TSPAN16: variants seen among roughly 807,000 people sequenced by gnomAD.
The protein encoded by TSPAN16 is tetraspanin-16.
Under a neutral mutation model 25.2 loss-of-function variants are expected in TSPAN16, and 23 were observed. The observed-to-expected ratio is 0.91, with a 90% CI of 0.66 to 1.29. TSPAN16 has a LOEUF of 1.29. Ranked by LOEUF, TSPAN16 falls within the 50% of genes most tolerant of loss-of-function variation. The pLI, the probability that TSPAN16 is intolerant of heterozygous loss-of-function variation, is 0.00. For missense variants in TSPAN16, 272 were observed against 299.9 expected (o/e 0.91, Z 0.69); for synonymous variants, 123 against 124.4 (o/e 0.99, Z 0.08).
chr19:11,313,730 G>C (rs1043112438), intron 6 of TSPAN16, among the ~76,000 whole-genome samples: 8 of 152,066 alleles, frequency 5.3e-5, no homozygotes, highest in Non-Finnish European at 8.8e-5. Flanking sequence ...ATAATAACAA[G>C]TGTTGCCAAG....
chr19:11,309,388 C>CT (rs1328968403), intron 5 of TSPAN16, among the ~76,000 whole-genome samples: 11 of 152,350 alleles, frequency 7.2e-5, no homozygotes, highest in African/African-American at 2.6e-4. Flanking sequence ...CACAACCTAC[C>CT]TGTCACCTCC....
Position 11,306,687 on chromosome 19 carries a change from T to C in TSPAN16, c.534T>C (p.Ser178=), listed in dbSNP as rs755944020. Residue 178 remains serine, a synonymous_variant, in exon 5 of 7, where the codon AGT becomes AGC. Coordinates refer to ENST00000590327, the MANE Select transcript of TSPAN16 (RefSeq NM_001282509.2). ...CAACGGGCCACACCTACCCCAGGAG[T>C]TGCTGTAAATCCATCGGAAGTGTGT... ...EMTTGHTYPR[S]CCKSIGSVSC... 5.0e-6 allele frequency: 8 copies of C among 1,613,946 alleles called. No homozygotes were observed. The highest frequency in any genetic ancestry group is 4.4e-5 in the South Asian group (4 of 91,064).
intron 4 of TSPAN16, among the ~76,000 whole-genome samples, chr19:11,302,277 CT>C (rs904450697): frequency 5.3e-5 from 8 of 152,132 alleles, no homozygotes; most frequent in African/African-American, 1.9e-4. Context: ...CCCCAAGCCC[CT>C]GGCACCCACC....
At chr19:11,326,205 G>C (rs2080811689) in intron 6 of TSPAN16, among the ~76,000 whole-genome samples, 1 of 149,948 alleles carries the variant, frequency 6.7e-6, no homozygotes, top group Non-Finnish European at 1.5e-5. Context: ...CTGGGCAACA[G>C]AGCGAGATTC....
intron 5 of TSPAN16, among the ~76,000 whole-genome samples, chr19:11,309,280 A>G (rs2080664481): frequency 6.6e-6 from 1 of 152,132 alleles, no homozygotes; most frequent in African/African-American, 2.4e-5. Context: ...TGAATGGCTC[A>G]TGCAGGGAAA....
At chr19:11,320,382 A>G (rs1391153119), downstream of TSPAN16, among the ~76,000 whole-genome samples, 1 of 152,102 alleles carries the variant, frequency 6.6e-6, no homozygotes, top group African/African-American at 2.4e-5. Flanking sequence ...TCAGCCTCCC[A>G]AAGTGCTGGA....
chr19:11,325,005 A>C, intron 6 of TSPAN16: 1 of 159,312 alleles, frequency 6.3e-6, no homozygotes, highest in Non-Finnish European at 1.4e-5. Flanking sequence ...CAGCTTGGGA[A>C]TATCAGTCCT....
chr19:11,326,610 C>CT lies in TSPAN16; in HGVS notation c.688-177dup, dbSNP rs899257592. Among the ~76,000 whole-genome samples, 7 of 152,214 alleles carry CT rather than the reference C, an allele frequency of 4.6e-5. No individual in the cohort carries two copies. In the South Asian group the frequency reaches 6.2e-4, roughly 14 times the overall value. On this transcript the variant is annotated intron_variant, in intron 6 of 6. Coordinates refer to the TSPAN16 transcript ENST00000316737. ...ACCCATCAAGTCACATTTTCCATTG[C>CT]TTTTTTTAAAAGAGAAACGGTCTCT...
intron 5 of TSPAN16, among the ~76,000 whole-genome samples, chr19:11,310,160 C>A (rs184497100): frequency 5.1e-4 from 77 of 151,818 alleles, no homozygotes; most frequent in Non-Finnish European, 1.0e-3. Flanking sequence ...ACAGCAAGTT[C>A]AATGTGGCCC....
At chr19:11,303,610 A>G (rs1233080081) in intron 4 of TSPAN16, among the ~76,000 whole-genome samples, 1 of 149,770 alleles carries the variant, frequency 6.7e-6, no homozygotes, top group Non-Finnish European at 1.5e-5. Context: ...CCTGGCCTCA[A>G]GCGATCCTCC....
rs377183506 is a variant in TSPAN16 at position 11,306,648 on chromosome 19, T to C, written c.495T>C (p.Ser165=). 20 of 1,613,890 alleles carry C rather than the reference T, an allele frequency of 1.2e-5. No individual in the cohort carries two copies. Among genetic ancestry groups the C allele is most frequent in the Admixed American group, 1.7e-5 (1 of 59,966 alleles). ...GVNNYTDFSG[S]SFEMTTGHTY... is the part of the protein sequence containing the mutation. ...ATAACTACACAGATTTTTCTGGCTC[T>C]TCCTTCGAAATGACAACGGGCCACA... Residue 165 remains serine (S), a synonymous_variant, in exon 5 of 7, where the codon TCT becomes TCC. Coordinates refer to ENST00000590327, the MANE Select transcript of TSPAN16 (RefSeq NM_001282509.2).
chr19:11,306,987 G>A (rs2080635594), intron 5 of TSPAN16, among the ~76,000 whole-genome samples: 1 of 150,914 alleles, frequency 6.6e-6, no homozygotes, highest in African/African-American at 2.4e-5. Flanking sequence ...GGCTAATTTT[G>A]TATTTTTAGT....
intron 1 of TSPAN16, among the ~76,000 whole-genome samples, chr19:11,297,493 T>TTATTTTATTTTATTTTATA (rs2080491483): frequency 6.6e-6 from 1 of 151,110 alleles, no homozygotes; most frequent in African/African-American, 2.4e-5. Context: ...TTATTTTATT[T>TTATTTTATTTTATTTTATA]TATTTTATTT....
chr19:11,299,267 G>A (rs139243637), intron 3 of TSPAN16, among the ~76,000 whole-genome samples: 2,168 of 150,850 alleles, frequency 0.014, 39 homozygotes, highest in African/African-American at 0.048. Context: ...GCAACAGAAT[G>A]AGACTCCGTT....
chr19:11,303,589 A>AG, intron 4 of TSPAN16, among the ~76,000 whole-genome samples: 1 of 148,046 alleles, frequency 6.8e-6, no homozygotes, highest in East Asian at 2.0e-4. Context: ...AAAAAAAAAA[A>AG]AAAAAAAACT....
chr19:11,314,041 A>T (rs1198254410), intron 6 of TSPAN16, among the ~76,000 whole-genome samples: 1 of 152,232 alleles, frequency 6.6e-6, no homozygotes, highest in Non-Finnish European at 1.5e-5. Context: ...TTATTGATAT[A>T]TGCTACAACG....
At chr19:11,312,932 C>T (rs1457822825) in intron 6 of TSPAN16, among the ~76,000 whole-genome samples, 1 of 151,938 alleles carries the variant, frequency 6.6e-6, no homozygotes, top group East Asian at 1.9e-4. Flanking sequence ...ATTAGCTAAC[C>T]TAGATGAAAT....
chr19:11,300,995 G>A (rs562513648), intron 3 of TSPAN16: 16 of 536,000 alleles, frequency 3.0e-5, no homozygotes, highest in African/African-American at 1.5e-4. Flanking sequence ...CCAGACCCAC[G>A]CGTCTCCCTG....
intron 5 of TSPAN16, among the ~76,000 whole-genome samples, chr19:11,309,699 C>T (rs917916606): frequency 6.6e-6 from 1 of 152,330 alleles, no homozygotes. Flanking sequence ...ACTATGCTTG[C>T]CGTTAGCTGT....
Sources: gnomAD v4.1 joint callset for allele counts (sites outside exome capture counted in the v4.1 genomes callset) on GRCh38, gnomAD v4.1.1 for gene constraint, MANE v1.5 for transcripts, NCBI Gene and HGNC (gene_info 2026-07-23, HGNC 2026-07-21) for gene names.